Variants in DPP10 observed in about 807,000 individuals in gnomAD.
DPP10 encodes inactive dipeptidyl peptidase 10.
In DPP10, 33 loss-of-function variants were observed where a neutral mutation model predicts 120.9. That is an observed-to-expected ratio of 0.27 (90% CI 0.21 to 0.37). The LOEUF is 0.37. Ranked by LOEUF, DPP10 falls within the 10% of genes least tolerant of loss-of-function variation. The probability of loss-of-function intolerance (pLI) is 1.00; values close to 1 mark genes in which losing one functional copy is unlikely to be tolerated. For synonymous variants in DPP10, 337 were observed against 326.1 expected, an observed-to-expected ratio of 1.03 and a Z score of -0.36; for missense variants, 816 against 942.8, an observed-to-expected ratio of 0.87 and a Z score of 1.76.
chr2:114,656,953 T>C (rs1467972101), intron 1 of DPP10, among the ~76,000 whole-genome samples: 2 of 152,122 alleles, frequency 1.3e-5, no homozygotes, highest in East Asian at 1.9e-4. Context: ...AGATCAACTT[T>C]ATAAGCACCG....
At chr2:115,235,335 A>G (rs761310590) in intron 1 of DPP10, among the ~76,000 whole-genome samples, 1 of 152,200 alleles carries the variant, frequency 6.6e-6, no homozygotes. Context: ...GATTTTTTCA[A>G]GTATTTTCCA....
intron 1 of DPP10, among the ~76,000 whole-genome samples, chr2:114,649,979 A>G (rs1696452888): frequency 6.6e-6 from 1 of 152,176 alleles, no homozygotes; most frequent in Admixed American, 6.5e-5. Flanking sequence ...TATAATAACT[A>G]GGAGAACAAG....
At position 115,466,943 on chromosome 2, in the gene DPP10, T is replaced by C. The variant is rs574705968; in HGVS notation, c.272-32567T>C. Among the ~76,000 whole-genome samples, 10 of 152,298 alleles carry C rather than the reference T, an allele frequency of 6.6e-5. No homozygotes were observed. In the East Asian group the frequency reaches 1.9e-3, roughly 30 times the overall value. On this transcript the variant is annotated intron_variant, in intron 3 of 25. Transcript: ENST00000410059. ...TTGATTACTCTTCTACCATTCATTT[T>C]CTTTGAATTCAATTTTTTTTGAGGA...
chr2:114,481,864 A>C (rs1372314821), intron 1 of DPP10, among the ~76,000 whole-genome samples: 1 of 151,732 alleles, frequency 6.6e-6, no homozygotes, highest in African/African-American at 2.4e-5. Context: ...CATGTTCTTC[A>C]CAAGGAGAGA....
At position 114,760,483 on chromosome 2, in the gene DPP10, G is replaced by A. The variant is rs193264815; in HGVS notation, c.60+317645G>A. 4.4e-4 allele frequency among the ~76,000 whole-genome samples: 66 copies of A among 151,682 alleles called. No individual in the cohort carries two copies. The East Asian group carries it at 0.012, about 29-fold the overall frequency. ...TCTTCATTGAACAAACTTCTAACCTGGAAGTACAAGTATTTCATTTTCCTC... is the reference window on the plus strand; with the variant it reads ...TCTTCATTGAACAAACTTCTAACCTAGAAGTACAAGTATTTCATTTTCCTC... On this transcript the variant is annotated intron_variant, in intron 1 of 25. Coordinates refer to ENST00000410059, the MANE Select transcript of DPP10 (RefSeq NM_020868.6).
At chr2:115,237,519 C>T (rs2058063724) in intron 1 of DPP10, among the ~76,000 whole-genome samples, 1 of 152,070 alleles carries the variant, frequency 6.6e-6, no homozygotes, top group South Asian at 2.1e-4. Flanking sequence ...AAGAGTCACA[C>T]ATCTCTCAAT....
chr2:115,471,290 T>C (rs1176592016), intron 3 of DPP10, among the ~76,000 whole-genome samples: 11 of 152,218 alleles, frequency 7.2e-5, no homozygotes, highest in Admixed American at 5.9e-4. Context: ...TGCTTTTCTC[T>C]TCAGACAGCC....
At chr2:115,773,291 G>T (rs1249794031) in intron 13 of DPP10, among the ~76,000 whole-genome samples, 1 of 152,066 alleles carries the variant, frequency 6.6e-6, no homozygotes, top group Admixed American at 6.6e-5. Flanking sequence ...AACATGCAGG[G>T]TTAAACTTGT....
At chr2:115,233,315 G>A (rs141013316) in intron 1 of DPP10, among the ~76,000 whole-genome samples, 4 of 152,082 alleles carry the variant, frequency 2.6e-5, no homozygotes, top group African/African-American at 7.2e-5. Flanking sequence ...TGTGCTTCCC[G>A]AAAGAAAACC....
intron 21 of DPP10, among the ~76,000 whole-genome samples, chr2:115,829,560 AT>A (rs1236534489): frequency 6.6e-6 from 1 of 152,118 alleles, no homozygotes; most frequent in Non-Finnish European, 1.5e-5. Context: ...TTTAATTAAA[AT>A]TTGTTTCAAC....
At chr2:115,151,202 TA>T (rs1264415419) in intron 1 of DPP10, among the ~76,000 whole-genome samples, 1 of 152,156 alleles carries the variant, frequency 6.6e-6, no homozygotes, top group Admixed American at 6.5e-5. Flanking sequence ...CTCTCTAAGA[TA>T]AAGTGTTACT....
At chr2:114,896,748 C>T (rs546847874) in intron 1 of DPP10, among the ~76,000 whole-genome samples, 51 of 152,206 alleles carry the variant, frequency 3.4e-4, no homozygotes, top group African/African-American at 1.2e-3. Flanking sequence ...TACTAACTGC[C>T]CTGGCCAGAA....
chr2:115,113,604 C>G (rs1471287540), intron 1 of DPP10, among the ~76,000 whole-genome samples: 1 of 152,094 alleles, frequency 6.6e-6, no homozygotes. Flanking sequence ...CTCCTTGGTA[C>G]TTACATAAAG....
intron 1 of DPP10, among the ~76,000 whole-genome samples, chr2:114,768,213 C>T (rs984949176): frequency 6.8e-6 from 1 of 146,938 alleles, no homozygotes; most frequent in Non-Finnish European, 1.5e-5. Context: ...GATATAAAGA[C>T]ATTTTCTGGT....
intron 1 of DPP10, among the ~76,000 whole-genome samples, chr2:114,553,362 G>A (rs903918631): frequency 5.3e-5 from 8 of 152,268 alleles, no homozygotes; most frequent in African/African-American, 1.4e-4. Context: ...GAGTTGAAAC[G>A]CAGCTCCTTG....
intron 1 of DPP10, among the ~76,000 whole-genome samples, chr2:114,564,924 T>A (rs1389468995): frequency 6.6e-6 from 1 of 152,212 alleles, no homozygotes; most frequent in Non-Finnish European, 1.5e-5. Context: ...AAAAGTTTTG[T>A]CTCCTTTCAT....
At chr2:115,073,760 A>T (rs1454683673) in intron 1 of DPP10, among the ~76,000 whole-genome samples, 2 of 152,206 alleles carry the variant, frequency 1.3e-5, no homozygotes, top group Non-Finnish European at 2.9e-5. Context: ...AAATATACTC[A>T]ACAGTTCCAA....
At chr2:115,825,798 T>C (rs1416812050) in intron 21 of DPP10, among the ~76,000 whole-genome samples, 1 of 152,204 alleles carries the variant, frequency 6.6e-6, no homozygotes, top group Non-Finnish European at 1.5e-5. Context: ...AAGACAAAAT[T>C]ACAACATCTT....
intron 1 of DPP10, among the ~76,000 whole-genome samples, chr2:114,774,799 T>A (rs1372750346): frequency 6.6e-6 from 1 of 151,560 alleles, no homozygotes; most frequent in Admixed American, 6.6e-5. Context: ...AGCAGGAACC[T>A]TATAGAGGTA....
Sources: gnomAD v4.1 joint callset for allele counts (sites outside exome capture counted in the v4.1 genomes callset) on GRCh38, gnomAD v4.1.1 for gene constraint, MANE v1.5 for transcripts, NCBI Gene and HGNC (gene_info 2026-07-23, HGNC 2026-07-21) for gene names.